HMCN2: variants seen among roughly 807,000 people sequenced by gnomAD.
HMCN2 encodes hemicentin 2, also known as hemicentin-2.
Under a neutral mutation model 377.5 loss-of-function variants are expected in HMCN2, and 325 were observed. The ratio of observed to expected loss-of-function variants is 0.86; its 90% CI spans 0.79 to 0.94. The LOEUF is 0.94. HMCN2 is among the 40% of genes least tolerant of loss of function. The probability of loss-of-function intolerance (pLI) is 0.00; values close to 1 mark genes in which losing one functional copy is unlikely to be tolerated. For missense variants in HMCN2, 4,543 were observed against 4,725.3 expected (o/e 0.96, Z 1.13); for synonymous variants, 2,007 against 2,046.8 (o/e 0.98, Z 0.53).
intron 46 of HMCN2, among the ~76,000 whole-genome samples, 160 bp from the exon 47 acceptor site, chr9:130,372,134 C>A (rs1841056167): frequency 6.6e-6 from 1 of 152,228 alleles, no homozygotes; most frequent in African/African-American, 2.4e-5. Context: ...TGTTTACCCT[C>A]CTGGGCCTCA....
intron 75 of HMCN2, 56 bp from the exon 76 acceptor site, chr9:130,399,455 C>T: frequency 8.2e-7 from 1 of 1,215,648 alleles, no homozygotes; most frequent in Non-Finnish European, 1.1e-6. Context: ...GCCAGAAAGC[C>T]ACAGCTGGTC....
At chr9:130,383,268 G>GT (rs547879462) in intron 56 of HMCN2, among the ~76,000 whole-genome samples, 1 of 30,832 alleles carries the variant, frequency 3.2e-5, no homozygotes, top group Non-Finnish European at 1.8e-4. Flanking sequence ...CCACAGGGGT[G>GT]GGGGAGGCTC....
At chr9:130,359,677 C>T (rs1023253082) in intron 37 of HMCN2, among the ~76,000 whole-genome samples, 2 of 152,156 alleles carry the variant, frequency 1.3e-5, no homozygotes, top group African/African-American at 2.4e-5. Flanking sequence ...GGGCTAGGGG[C>T]GAGGATCAGG....
In HMCN2 at chr9:130,303,624, C is replaced by A; in HGVS notation, c.1543+16C>A. ...GTTGTCACAGGTCTGTCCCTTGGGGCCCCTCCATGTACCCCTTCCTTACCC... is the reference window on the plus strand; with the variant it reads ...GTTGTCACAGGTCTGTCCCTTGGGGACCCTCCATGTACCCCTTCCTTACCC... On this transcript the variant is annotated intron_variant, in intron 10 of 97. Coordinates refer to ENST00000683500, the MANE Select transcript of HMCN2 (RefSeq NM_001291815.2). This position sits in a 1 kb window ranked among gnomAD's most constrained non-coding sequence, Gnocchi z 5.2. The A allele has an allele frequency of 3.8e-6, 1 of 262,288 alleles. No homozygotes were observed. The highest frequency in any genetic ancestry group is 8.6e-6 in the Non-Finnish European group (1 of 116,640). 16.2% of individuals were successfully genotyped at this position (262,288 alleles called of 1,614,324 possible). A position where few individuals can be genotyped will look rare whatever the true frequency, so the allele number is the denominator to read the frequency against.
At position 130,360,630 on chromosome 9, in the gene HMCN2, C is replaced by T. The variant is rs1307205460; in HGVS notation, c.5950+26C>T. On this transcript the variant is annotated intron_variant, in intron 38 of 97. Coordinates refer to ENST00000683500, the MANE Select transcript of HMCN2 (RefSeq NM_001291815.2). This position sits in a 1 kb window ranked among gnomAD's most constrained non-coding sequence, Gnocchi z 4.7. ...GTGAGCTTCCCTGGGCCTACAAGGTCCCTTGTCCAAAAAGTTGTCTTTTCA... is the reference window on the plus strand; with the variant it reads ...GTGAGCTTCCCTGGGCCTACAAGGTTCCTTGTCCAAAAAGTTGTCTTTTCA... The T allele has an allele frequency of 4.8e-6, 6 of 1,254,920 alleles. No individual in the cohort carries two copies. Among genetic ancestry groups the T allele is most frequent in the Middle Eastern group, 2.3e-4 (1 of 4,428 alleles). The allele number at this position is 1,254,920 out of a possible 1,614,324, so 77.7% of individuals were successfully genotyped here.
In HMCN2 at chr9:130,393,376, C is replaced by T; in HGVS notation, c.10234+67C>T. On this transcript the variant is annotated intron_variant, in intron 67 of 97. Transcript: ENST00000683500. This position sits in a 1 kb window ranked among gnomAD's most constrained non-coding sequence, Gnocchi z 5.2. Reference sequence around the variant, plus strand: ...TGGGTGAGAATCAAGGCCCTTGGCCCCCCTGCCCTTCTGGGTGGAACCAAG... The same window carrying T: ...TGGGTGAGAATCAAGGCCCTTGGCCTCCCTGCCCTTCTGGGTGGAACCAAG... 2.1e-6 allele frequency: 2 copies of T among 957,306 alleles called. No homozygotes were observed. The highest frequency in any genetic ancestry group is 2.9e-4 in the Middle Eastern group (1 of 3,476). The allele number at this position is 957,306 out of a possible 1,614,324, so 59.3% of individuals were successfully genotyped here.
intron 85 of HMCN2, among the ~76,000 whole-genome samples, chr9:130,415,418 G>C (rs555713523): frequency 6.6e-6 from 1 of 152,170 alleles, no homozygotes; most frequent in South Asian, 2.1e-4. Context: ...GCTCACTGCA[G>C]CCTTGACCTC....
At chr9:130,349,437 G>C (rs950643729) in intron 28 of HMCN2, 100 bp from the exon 29 acceptor site, 2 of 1,213,444 alleles carry the variant, frequency 1.6e-6, no homozygotes, top group African/African-American at 3.1e-5. Flanking sequence ...AGGTAGGAGG[G>C]GGGCCCAGGC....
chr9:130,290,828 T>G (rs1835708537), intron 4 of HMCN2, among the ~76,000 whole-genome samples: 1 of 131,928 alleles, frequency 7.6e-6, no homozygotes, highest in Non-Finnish European at 1.6e-5. Context: ...AATCTAGCCA[T>G]AAACTTCTAG....
intron 94 of HMCN2, 194 bp downstream of exon 94, chr9:130,429,879 C>A: frequency 9.1e-7 from 1 of 1,103,952 alleles, no homozygotes; most frequent in Non-Finnish European, 1.2e-6. Context: ...CGACACTTTG[C>A]ACTCACTGGG....
chr9:130,310,070 A>G lies in HMCN2; in HGVS notation c.2350+9A>G, dbSNP rs1414644898. 3.8e-6 allele frequency: 2 copies of G among 522,486 alleles called. No individual in the cohort carries two copies. Among genetic ancestry groups the G allele is most frequent in the Non-Finnish European group, 7.9e-6 (2 of 252,330 alleles). 32.4% of individuals were successfully genotyped at this position (522,486 alleles called of 1,614,324 possible). On this transcript the variant is annotated intron_variant, in intron 15 of 97. Transcript: ENST00000683500. ...CCAGCTGGCGGTTGGACGTGAGTGT[A>G]TACCTTGTCTCCCCCTCCCCTGCCC... is the stretch of plus-strand genomic sequence containing the variant.
At chr9:130,331,593 A>G (rs1461085424) in intron 22 of HMCN2, among the ~76,000 whole-genome samples, 2 of 151,938 alleles carry the variant, frequency 1.3e-5, no homozygotes, top group African/African-American at 2.4e-5. Flanking sequence ...GGTGACCTCA[A>G]ACAAGACCCT....
intron 15 of HMCN2, among the ~76,000 whole-genome samples, chr9:130,313,658 GGGCGACTCGTCACATGGCTGGT>G (rs1248194986): frequency 2.0e-5 from 3 of 152,086 alleles, no homozygotes; most frequent in African/African-American, 7.2e-5. Flanking sequence ...CGGTGAGGTG[GGGCGACTCGTCACATGGCTGGT>G]TGCCTGACTG....
At chr9:130,297,026 C>T (rs1412054738) in intron 7 of HMCN2, among the ~76,000 whole-genome samples, 3 of 152,206 alleles carry the variant, frequency 2.0e-5, no homozygotes, top group African/African-American at 7.2e-5. Context: ...TGACATTTAC[C>T]TTTAGAACAT....
rs1588415638 is a variant in HMCN2, at chr9:130,408,931, G to C, written c.12877G>C (p.Glu4293Gln). Residue 4293 changes from glutamate to glutamine, a missense_variant and splice_region_variant, in exon 84 of 98, where the codon GAG (glutamate) becomes CAG (glutamine). Coordinates refer to ENST00000683500, the MANE Select transcript of HMCN2 (RefSeq NM_001291815.2). ...TGGCTCGCTGACCATCCGCAGGACT[G>C]AGGCAAGGCGGGGCCTGGCACCTTG... Reference protein sequence around the residue: ...QNGSLTIRRTERDDAGRYQCL... With the variant: ...QNGSLTIRRTQRDDAGRYQCL... 1 of 1,288,208 alleles carries C rather than the reference G, an allele frequency of 7.8e-7. No individual in the cohort carries two copies. The highest frequency in any genetic ancestry group is 1.2e-5 in the South Asian group (1 of 80,878). The allele number at this position is 1,288,208 out of a possible 1,614,324, so 79.8% of individuals were successfully genotyped here. A position where few individuals can be genotyped will look rare whatever the true frequency, so the allele number is the denominator to read the frequency against.
intron 39 of HMCN2, among the ~76,000 whole-genome samples, chr9:130,362,589 G>T (rs1002346218): frequency 3.3e-5 from 5 of 152,134 alleles, no homozygotes; most frequent in African/African-American, 9.7e-5. Flanking sequence ...TCTCAATTTG[G>T]CCTGGCCACA....
chr9:130,428,617 G>A lies in HMCN2; in HGVS notation c.14197+128G>A. ...AGGAAGACTGGGACTCTTGGCAGAA[G>A]GAGTACAGCAAGGCTGGGGACAAAG... On this transcript the variant is annotated intron_variant, in intron 93 of 97. Coordinates refer to ENST00000683500, the MANE Select transcript of HMCN2 (RefSeq NM_001291815.2). The surrounding 1 kb of genome is among the most constrained non-coding windows in gnomAD (Gnocchi z 5.0). The A allele has an allele frequency of 7.7e-7, 1 of 1,305,568 alleles. No homozygotes were observed. Among genetic ancestry groups the A allele is most frequent in the Non-Finnish European group, 1.0e-6 (1 of 962,324 alleles). The allele number at this position is 1,305,568 out of a possible 1,614,324, so 80.9% of individuals were successfully genotyped here. A position where few individuals can be genotyped will look rare whatever the true frequency, so the allele number is the denominator to read the frequency against.
chr9:130,418,705 G>A (rs1053907713), intron 85 of HMCN2, 67 bp from the exon 86 acceptor site: 48 of 1,307,386 alleles, frequency 3.7e-5, no homozygotes, highest in Non-Finnish European at 4.7e-5. Flanking sequence ...GTGTCTAAAT[G>A]AACATATCCC....
At chr9:130,378,151 G>C (rs73670540) in intron 53 of HMCN2, among the ~76,000 whole-genome samples, 1,947 of 152,026 alleles carry the variant, frequency 0.013, 44 homozygotes, top group African/African-American at 0.045. Context: ...AGTAAGCTGA[G>C]TGGCGGCCTC....
Sources: gnomAD v4.1 joint callset for allele counts (sites outside exome capture counted in the v4.1 genomes callset) on GRCh38, gnomAD v4.1.1 for gene constraint, Gnocchi (gnomAD v3.1) non-coding constraint, MANE v1.5 for transcripts, NCBI Gene and HGNC (gene_info 2026-07-23, HGNC 2026-07-21) for gene names.